The following KIAA0825 variants were observed in gnomAD, a reference collection of about 807,000 sequenced individuals.
KIAA0825 encodes the protein uncharacterized protein KIAA0825.
KIAA0825 carries 119 observed loss-of-function variants against 147.6 expected under a neutral mutation model. The ratio of observed to expected loss-of-function variants is 0.81; its 90% CI spans 0.69 to 0.94. The LOEUF is 0.94. Among genes scored for constraint, KIAA0825 ranks in the 40% least tolerant of loss-of-function variants. KIAA0825 has a pLI of 0.00. For synonymous variants in KIAA0825, 470 were observed against 518.1 expected (o/e 0.91, Z 1.26); for missense variants, 1,381 against 1,472.7 (o/e 0.94, Z 1.02).
At chr5:94,163,400 T>C (rs1166069260) in intron 20 of KIAA0825, among the ~76,000 whole-genome samples, 3 of 152,188 alleles carry the variant, frequency 2.0e-5, no homozygotes, top group Non-Finnish European at 2.9e-5. Context: ...CTTCCGACTT[T>C]CTTTACCACC....
At chr5:94,602,245 G>A (rs1786615971) in intron 1 of KIAA0825, among the ~76,000 whole-genome samples, 1 of 152,132 alleles carries the variant, frequency 6.6e-6, no homozygotes, top group African/African-American at 2.4e-5. Flanking sequence ...CAGCTACTCG[G>A]GAGGCTGAGG....
At chr5:94,344,377 C>G (rs895493782) in intron 20 of KIAA0825, among the ~76,000 whole-genome samples, 1 of 152,044 alleles carries the variant, frequency 6.6e-6, no homozygotes, top group African/African-American at 2.4e-5. Context: ...GTAAAGTTTT[C>G]AAAAAGAACA....
intron 12 of KIAA0825, among the ~76,000 whole-genome samples, chr5:94,458,833 T>C (rs576184320): frequency 6.6e-6 from 1 of 152,138 alleles, no homozygotes; most frequent in Non-Finnish European, 1.5e-5. Context: ...AGATGTATAA[T>C]TCATATACCA....
intron 2 of KIAA0825, 53 bp from the exon 3 acceptor site, chr5:94,537,180 G>C: frequency 7.0e-7 from 1 of 1,432,080 alleles, no homozygotes. Context: ...CAATGGCCAG[G>C]GATAGGGGTG....
At chr5:94,446,059 A>G (rs1000616573) in intron 13 of KIAA0825, among the ~76,000 whole-genome samples, 8 of 152,186 alleles carry the variant, frequency 5.3e-5, no homozygotes, top group African/African-American at 1.7e-4. Context: ...TGAGGATACT[A>G]GAAGTCACCT....
intron 1 of KIAA0825, among the ~76,000 whole-genome samples, chr5:94,612,509 T>G (rs765992906): frequency 1.3e-5 from 2 of 152,122 alleles, no homozygotes; most frequent in Non-Finnish European, 2.9e-5. Context: ...AGGCATTTCT[T>G]TCCTACTCTC....
At chr5:94,391,514 A>G (rs2150560822) in intron 18 of KIAA0825, 21 bp downstream of exon 18, 1 of 1,551,428 alleles carries the variant, frequency 6.4e-7, no homozygotes. Context: ...TAATTGCTCG[A>G]TAAAAAGGCC....
At chr5:94,405,096 C>T (rs1751877446) in intron 15 of KIAA0825, among the ~76,000 whole-genome samples, 1 of 152,084 alleles carries the variant, frequency 6.6e-6, no homozygotes, top group Non-Finnish European at 1.5e-5. Flanking sequence ...AGTGAGGGTC[C>T]TAAATTGAGA....
intron 19 of KIAA0825, among the ~76,000 whole-genome samples, chr5:94,385,870 C>T (rs1245978019): frequency 4.6e-5 from 7 of 152,014 alleles, no homozygotes; most frequent in African/African-American, 1.7e-4. Flanking sequence ...CTGATAAATT[C>T]GTAAAGGTTG....
At chr5:94,204,504 G>T (rs1051786747) in intron 20 of KIAA0825, among the ~76,000 whole-genome samples, 2 of 151,976 alleles carry the variant, frequency 1.3e-5, no homozygotes, top group African/African-American at 4.8e-5. Context: ...CCAAACAAAT[G>T]GAAAAAACTA....
intron 20 of KIAA0825, among the ~76,000 whole-genome samples, chr5:94,367,826 C>T (rs1746089206): frequency 6.6e-6 from 1 of 152,204 alleles, no homozygotes; most frequent in Non-Finnish European, 1.5e-5. Context: ...ATGTTTCACC[C>T]TTATTCTATC....
chr5:94,325,532 G>A (rs1780601469), intron 20 of KIAA0825, among the ~76,000 whole-genome samples: 1 of 151,838 alleles, frequency 6.6e-6, no homozygotes, highest in Non-Finnish European at 1.5e-5. Context: ...TTCAGCATGT[G>A]CACATACATG....
intron 20 of KIAA0825, among the ~76,000 whole-genome samples, chr5:94,159,576 A>G (rs1435399903): frequency 1.3e-5 from 2 of 152,170 alleles, no homozygotes; most frequent in African/African-American, 4.8e-5. Flanking sequence ...TGCAATAAAT[A>G]CATTCCAATA....
intron 12 of KIAA0825, among the ~76,000 whole-genome samples, chr5:94,458,462 G>C (rs1393164109): frequency 2.0e-5 from 3 of 152,306 alleles, no homozygotes; most frequent in Admixed American, 1.3e-4. Flanking sequence ...CAGGACACTA[G>C]GTGGAGAGAG....
intron 15 of KIAA0825, 88 bp downstream of exon 15, chr5:94,417,113 C>G: frequency 8.1e-7 from 1 of 1,241,296 alleles, no homozygotes. Context: ...TTCAGCAAAA[C>G]CAGTATCAAT....
chr5:94,329,369 G>A (rs1781037810), intron 20 of KIAA0825, among the ~76,000 whole-genome samples: 1 of 152,040 alleles, frequency 6.6e-6, no homozygotes, highest in African/African-American at 2.4e-5. Flanking sequence ...TGTGAGACTT[G>A]AATATACAGA....
At chr5:94,401,641 T>C in intron 16 of KIAA0825, among the ~76,000 whole-genome samples, 1 of 152,066 alleles carries the variant, frequency 6.6e-6, no homozygotes, top group East Asian at 1.9e-4. Flanking sequence ...CCAAGAAAGG[T>C]CTCCAGTGAC....
At chr5:94,414,713 A>G (rs905413844) in intron 15 of KIAA0825, 3 of 152,140 alleles carry the variant, frequency 2.0e-5, no homozygotes, top group African/African-American at 7.2e-5. Context: ...AGGGTCCCCA[A>G]CCCCTAGACT....
chr5:94,593,801 C>A, intron 1 of KIAA0825: 1 of 331,770 alleles, frequency 3.0e-6, no homozygotes, highest in South Asian at 2.8e-5. Flanking sequence ...TTTTGTGAAA[C>A]TTGGAGAATT....
Sources: allele counts gnomAD v4.1 joint callset (sites outside exome capture counted in the v4.1 genomes callset), GRCh38; gene constraint gnomAD v4.1.1; transcripts MANE v1.5; gene names NCBI Gene and HGNC (gene_info 2026-07-23, HGNC 2026-07-21).